The following XPR1 variants were observed in gnomAD, a reference collection of about 807,000 sequenced individuals.
XPR1 encodes xenotropic and polytropic retrovirus receptor 1.
A neutral mutation model predicts 87.5 loss-of-function variants in XPR1; 28 were observed. That is an observed-to-expected ratio of 0.32 (90% CI 0.24 to 0.44). The LOEUF is 0.44. XPR1 is among the 20% of genes least tolerant of loss of function. XPR1 has a pLI of 1.00. For synonymous variants in XPR1, 300 were observed against 306.1 expected, an observed-to-expected ratio of 0.98 and a Z score of 0.21; for missense variants, 559 against 862.3, an observed-to-expected ratio of 0.65 and a Z score of 4.41.
intron 2 of XPR1, among the ~76,000 whole-genome samples, chr1:180,733,792 T>C (rs1054515368): frequency 6.6e-6 from 1 of 152,166 alleles, no homozygotes; most frequent in Non-Finnish European, 1.5e-5. Flanking sequence ...TTTAGGCAAT[T>C]GATAGCCAGT....
At chr1:180,641,913 G>T (rs911849604) in intron 1 of XPR1, among the ~76,000 whole-genome samples, 1 of 152,120 alleles carries the variant, frequency 6.6e-6, no homozygotes, top group Non-Finnish European at 1.5e-5. Context: ...TTTTAAGAAT[G>T]AAGTTTCTTT....
chr1:180,763,892 T>G (rs1445833941), intron 2 of XPR1, among the ~76,000 whole-genome samples: 3 of 152,216 alleles, frequency 2.0e-5, no homozygotes, highest in Admixed American at 6.5e-5. Flanking sequence ...AATAAAATAC[T>G]GTGTACACAA....
chr1:180,859,802 G>A (rs2102202335), intron 11 of XPR1, among the ~76,000 whole-genome samples: 1 of 152,148 alleles, frequency 6.6e-6, no homozygotes, highest in African/African-American at 2.4e-5. Context: ...AAAAATTAGA[G>A]TGTGATTCAG....
chr1:180,822,649 A>AATATATACTG (rs1423367062), intron 7 of XPR1, among the ~76,000 whole-genome samples: 2 of 152,230 alleles, frequency 1.3e-5, no homozygotes, highest in African/African-American at 4.8e-5. Flanking sequence ...AAAAGAAACT[A>AATATATACTG]ATATATACTG....
chr1:180,801,138 C>T (rs749870996), intron 3 of XPR1, among the ~76,000 whole-genome samples: 1 of 152,190 alleles, frequency 6.6e-6, no homozygotes, highest in South Asian at 2.1e-4. Context: ...GCCATCTGGC[C>T]TTTCTGTTCC....
chr1:180,778,695 T>C (rs1438279718), intron 2 of XPR1, among the ~76,000 whole-genome samples: 1 of 152,192 alleles, frequency 6.6e-6, no homozygotes, highest in Non-Finnish European at 1.5e-5. Flanking sequence ...ACAACCCACC[T>C]AAGAGTGAGA....
chr1:180,667,574 C>T (rs1048665305), intron 1 of XPR1, among the ~76,000 whole-genome samples: 4 of 152,050 alleles, frequency 2.6e-5, no homozygotes, highest in East Asian at 1.9e-4. Flanking sequence ...TTTCTTGTAG[C>T]GTATTTGTCT....
At chr1:180,867,100 A>C (rs1488199693) in intron 12 of XPR1, among the ~76,000 whole-genome samples, 2 of 75,532 alleles carry the variant, frequency 2.6e-5, no homozygotes, top group East Asian at 6.0e-4. Flanking sequence ...ACTGAGAATG[A>C]TGGTTTCCAA....
At chr1:180,758,112 G>A (rs1293351733) in intron 2 of XPR1, among the ~76,000 whole-genome samples, 1 of 65,082 alleles carries the variant, frequency 1.5e-5, no homozygotes, top group African/African-American at 5.0e-5. Context: ...CATATAGAAG[G>A]ATACACACAC....
chr1:180,730,625 C>T (rs565334340), intron 2 of XPR1, among the ~76,000 whole-genome samples: 1 of 152,186 alleles, frequency 6.6e-6, no homozygotes, highest in South Asian at 2.1e-4. Flanking sequence ...GTATTAAGCC[C>T]TTCTCCTTTT....
In XPR1 at chr1:180,702,376, A is replaced by G. The variant is rs573923416; in HGVS notation, c.121+19965A>G. ...TTCCAACTATGTGGTCAATTTTGGA[A>G]TAGGTGTGGTGTGGTGCTGAAAAAA... On this transcript the variant is annotated intron_variant, in intron 2 of 14. Transcript: ENST00000367590. 6.8e-5 allele frequency among the ~76,000 whole-genome samples: 10 copies of G among 147,928 alleles called. 1 individual carries two copies. In the South Asian group the frequency reaches 1.5e-3, roughly 23 times the overall value.
intron 2 of XPR1, among the ~76,000 whole-genome samples, chr1:180,698,376 C>T (rs550244688): frequency 3.2e-4 from 48 of 152,226 alleles, no homozygotes; most frequent in African/African-American, 1.2e-3. Context: ...AAAATCCATT[C>T]AGCTAGTATG....
chr1:180,738,578 T>G (rs1348510015), intron 2 of XPR1, among the ~76,000 whole-genome samples: 1 of 152,220 alleles, frequency 6.6e-6, no homozygotes, highest in East Asian at 1.9e-4. Flanking sequence ...ATATTCAGAG[T>G]TATGTAACCA....
intron 2 of XPR1, among the ~76,000 whole-genome samples, chr1:180,710,208 T>G (rs1483037431): frequency 1.3e-5 from 2 of 151,854 alleles, no homozygotes; most frequent in Non-Finnish European, 1.5e-5. Context: ...ATTTAGTTTT[T>G]TTTTTTTTTT....
At chr1:180,725,390 A>T (rs568810287) in intron 2 of XPR1, among the ~76,000 whole-genome samples, 179 of 152,290 alleles carry the variant, frequency 1.2e-3, no homozygotes, top group South Asian at 2.9e-3. Flanking sequence ...TTTGGGGGAA[A>T]AAAAGGATGT....
intron 2 of XPR1, among the ~76,000 whole-genome samples, chr1:180,752,088 A>G (rs1647556767): frequency 6.6e-6 from 1 of 152,156 alleles, no homozygotes. Flanking sequence ...AGGAAATAGT[A>G]TGAGTGAAAA....
chr1:180,711,326 T>G (rs934358570), intron 2 of XPR1, among the ~76,000 whole-genome samples: 19 of 152,216 alleles, frequency 1.2e-4, no homozygotes, highest in Non-Finnish European at 2.1e-4. Flanking sequence ...TGGGCAACAT[T>G]GAGCACTGAG....
intron 7 of XPR1, among the ~76,000 whole-genome samples, chr1:180,817,358 A>G (rs1260642682): frequency 2.0e-5 from 3 of 152,174 alleles, no homozygotes; most frequent in Non-Finnish European, 4.4e-5. Context: ...AAAGTCCGCA[A>G]TAGTGTAATG....
chr1:180,880,443 G>A, intron 14 of XPR1, 146 bp downstream of exon 14: 1 of 804,156 alleles, frequency 1.2e-6, no homozygotes, highest in Non-Finnish European at 2.0e-6. Context: ...GTAATAAGCA[G>A]CAATTCCATA....
Sources: allele counts gnomAD v4.1 joint callset (sites outside exome capture counted in the v4.1 genomes callset), GRCh38; gene constraint gnomAD v4.1.1; transcripts MANE v1.5; gene names NCBI Gene and HGNC (gene_info 2026-07-23, HGNC 2026-07-21).